Variants in DYNLL2 observed in about 807,000 individuals in gnomAD.
DYNLL2 encodes the protein dynein light chain LC8-type 2, also known as dynein light chain 2, cytoplasmic.
In DYNLL2, 1 loss-of-function variant was observed where a neutral mutation model predicts 9.7. The observed-to-expected ratio is 0.10, with a 90% CI of 0.04 to 0.49. The LOEUF (loss-of-function observed/expected upper bound fraction) is 0.49, where lower values mean the gene tolerates loss of function less well. Ranked by LOEUF, DYNLL2 falls within the 20% of genes least tolerant of loss-of-function variation. The pLI is 0.95. For synonymous variants in DYNLL2, 35 were observed against 40.5 expected, an observed-to-expected ratio of 0.86 and a Z score of 0.52; for missense variants, 37 against 115.2, an observed-to-expected ratio of 0.32 and a Z score of 3.11.
At chr17:58,087,341 C>T in intron 2 of DYNLL2, 119 bp downstream of exon 2, 2 of 1,409,516 alleles carry the variant, frequency 1.4e-6, no homozygotes, top group East Asian at 2.5e-5. Flanking sequence ...AAGCAAAACC[C>T]TAGGAACTTG....
At chr17:58,088,507 A>G (rs1201288808) in intron 2 of DYNLL2, among the ~76,000 whole-genome samples, 1 of 152,184 alleles carries the variant, frequency 6.6e-6, no homozygotes, top group Non-Finnish European at 1.5e-5. Flanking sequence ...TTAGCTCTAA[A>G]GATTTCCTGT....
At chr17:58,088,104 T>TG (rs67080397) in intron 2 of DYNLL2, among the ~76,000 whole-genome samples, 152,288 of 152,288 alleles carry the variant, frequency 1, 76,144 homozygotes, top group Non-Finnish European at 1. Flanking sequence ...TTTTTGGGTG[T>TG]GAGCCAAGGG....
rs779703859 is a variant in DYNLL2 at position 58,087,269 on chromosome 17, G to C, written c.132+47G>C. 2.5e-6 allele frequency: 4 copies of C among 1,608,824 alleles called. No individual in the cohort carries two copies. In the South Asian group the frequency reaches 4.4e-5, roughly 18 times the overall value. ...TGATGGCCAGGGGTGGGGATCGACAGCTGAGCTAACCTCCAGGGAGATCTG... is the reference window on the plus strand; with the variant it reads ...TGATGGCCAGGGGTGGGGATCGACACCTGAGCTAACCTCCAGGGAGATCTG... On this transcript the variant is annotated intron_variant, in intron 2 of 2. Transcript: ENST00000579991.
chr17:58,085,713 C>A (rs1427150965), intron 1 of DYNLL2, among the ~76,000 whole-genome samples: 1 of 152,100 alleles, frequency 6.6e-6, no homozygotes, highest in Non-Finnish European at 1.5e-5. Flanking sequence ...AATGGCATGG[C>A]CTTGATAGCA....
At chr17:58,086,772 A>G (rs1362709232) in intron 1 of DYNLL2, among the ~76,000 whole-genome samples, 1 of 152,254 alleles carries the variant, frequency 6.6e-6, no homozygotes, top group Non-Finnish European at 1.5e-5. Flanking sequence ...TAGTAGATGT[A>G]CACTGTAATA....
chr17:58,087,594 A>G (rs2075764949), intron 2 of DYNLL2, among the ~76,000 whole-genome samples: 1 of 152,214 alleles, frequency 6.6e-6, no homozygotes, highest in Admixed American at 6.5e-5. Context: ...TAAGATGTAC[A>G]AATTTTCAGG....
intron 1 of DYNLL2, among the ~76,000 whole-genome samples, chr17:58,085,472 A>G (rs1162457522): frequency 1.3e-5 from 2 of 152,200 alleles, no homozygotes; most frequent in African/African-American, 4.8e-5. Flanking sequence ...GAATGACAGC[A>G]TCTCTTGTCC....
chr17:58,090,741 G>T lies in DYNLL2; in HGVS notation c.*1462G>T, dbSNP rs2075777168. The T allele has an allele frequency of 6.7e-6, 1 of 148,918 alleles. No homozygotes were observed. Among genetic ancestry groups the T allele is most frequent in the Admixed American group, 6.6e-5 (1 of 15,042 alleles). The allele number at this position is 148,918 out of a possible 1,614,324, so 9.2% of individuals were successfully genotyped here. On this transcript the variant is annotated 3_prime_UTR_variant, in exon 3 of 3. Coordinates refer to ENST00000579991, the MANE Select transcript of DYNLL2 (RefSeq NM_080677.3). ...GAAATCTTGTCTGTTAATGAAATAG[G>T]AGTGGGGTGGGGTTTGGGGTGGGGT...
chr17:58,086,356 T>C (rs559516221), intron 1 of DYNLL2, among the ~76,000 whole-genome samples: 1 of 152,364 alleles, frequency 6.6e-6, no homozygotes, highest in African/African-American at 2.4e-5. Flanking sequence ...TGCAACACTT[T>C]ATTTTACAAA....
chr17:58,087,533 C>T (rs1234927525), intron 2 of DYNLL2, among the ~76,000 whole-genome samples: 1 of 152,234 alleles, frequency 6.6e-6, no homozygotes, highest in Non-Finnish European at 1.5e-5. Context: ...TTAAATATTT[C>T]TGGCCCAGTT....
chr17:58,089,033 TA>T, intron 2 of DYNLL2, 108 bp from the exon 3 acceptor site: 1 of 1,416,236 alleles, frequency 7.1e-7, no homozygotes, highest in Non-Finnish European at 9.8e-7. Context: ...GTGGGGGTGA[TA>T]ACAACCAAAC....
Position 58,090,851 on chromosome 17 carries a change from C to T in DYNLL2, c.*1572C>T, listed in dbSNP as rs1157966870. 2.6e-5 allele frequency: 4 copies of T among 151,636 alleles called. No homozygotes were observed. Among genetic ancestry groups the T allele is most frequent in the Non-Finnish European group, 4.4e-5 (3 of 67,926 alleles). The allele number at this position is 151,636 out of a possible 1,614,324, so 9.4% of individuals were successfully genotyped here. ...TTGACAATGTGGGGGGGTGGGGGAT[C>T]CAGCTTATTCTTTTATTTTCAAGTC... On this transcript the variant is annotated 3_prime_UTR_variant, in exon 3 of 3. Coordinates refer to ENST00000579991, the MANE Select transcript of DYNLL2 (RefSeq NM_080677.3).
chr17:58,090,377 G>A lies in DYNLL2; in HGVS notation c.*1098G>A, dbSNP rs2075775896. The A allele has an allele frequency of 6.5e-6, 1 of 152,886 alleles. No homozygotes were observed. The highest frequency in any genetic ancestry group is 2.4e-5 in the African/African-American group (1 of 41,356). The allele number at this position is 152,886 out of a possible 1,614,324, so 9.5% of individuals were successfully genotyped here. A position where few individuals can be genotyped will look rare whatever the true frequency, so the allele number is the denominator to read the frequency against. On this transcript the variant is annotated 3_prime_UTR_variant, in exon 3 of 3. Transcript: ENST00000579991. ...GGCTTTTATGCTAAAAGCCTCTGGG[G>A]ATATCTGTTTTGAAAATAAAGATAG...
Position 58,090,739 on chromosome 17 carries a change from A to C in DYNLL2, c.*1460A>C, listed in dbSNP as rs1598089433. On this transcript the variant is annotated 3_prime_UTR_variant, in exon 3 of 3. Transcript: ENST00000579991. Reference sequence around the variant, plus strand: ...GGGAAATCTTGTCTGTTAATGAAATAGGAGTGGGGTGGGGTTTGGGGTGGG... The same window carrying C: ...GGGAAATCTTGTCTGTTAATGAAATCGGAGTGGGGTGGGGTTTGGGGTGGG... The C allele has an allele frequency of 1.1e-5, 1 of 93,066 alleles. No homozygotes were observed. Among genetic ancestry groups the C allele is most frequent in the Non-Finnish European group, 2.0e-5 (1 of 49,682 alleles). The allele number at this position is 93,066 out of a possible 1,614,324, so 5.8% of individuals were successfully genotyped here.
At chr17:58,085,108 T>A (rs1419930777) in intron 1 of DYNLL2, among the ~76,000 whole-genome samples, 1 of 152,150 alleles carries the variant, frequency 6.6e-6, no homozygotes, top group Admixed American at 6.5e-5. Context: ...GCTCACAGAC[T>A]CCAGTTGAGG....
chr17:58,091,459 T>A lies in DYNLL2; in HGVS notation c.*2180T>A, dbSNP rs1352823802. 6.6e-6 allele frequency: 1 copy of A among 152,314 alleles called. No homozygotes were observed. The highest frequency in any genetic ancestry group is 1.5e-5 in the Non-Finnish European group (1 of 68,132). 9.4% of individuals were successfully genotyped at this position (152,314 alleles called of 1,614,324 possible). ...CCCTTAAGGGCTCCTGGGTTCTGCC[T>A]TCCTTGGTGGTGATGGCCAGGTGAA... On this transcript the variant is annotated 3_prime_UTR_variant, in exon 3 of 3. Coordinates refer to ENST00000579991, the MANE Select transcript of DYNLL2 (RefSeq NM_080677.3).
At position 58,089,399 on chromosome 17, in the gene DYNLL2, G is replaced by A. The variant is rs1187455105; in HGVS notation, c.*120G>A. Reference sequence around the variant, plus strand: ...CTCTCCAATGGCTGTGCTACTGCATGGACTGTATACTCGATTTCATGTGTA... The same window carrying A: ...CTCTCCAATGGCTGTGCTACTGCATAGACTGTATACTCGATTTCATGTGTA... On this transcript the variant is annotated 3_prime_UTR_variant, in exon 3 of 3. Coordinates refer to ENST00000579991, the MANE Select transcript of DYNLL2 (RefSeq NM_080677.3). 1 of 1,314,706 alleles carries A rather than the reference G, an allele frequency of 7.6e-7. No individual in the cohort carries two copies. The highest frequency in any genetic ancestry group is 1.5e-5 in the African/African-American group (1 of 67,514). The allele number at this position is 1,314,706 out of a possible 1,614,324, so 81.4% of individuals were successfully genotyped here. A position where few individuals can be genotyped will look rare whatever the true frequency, so the allele number is the denominator to read the frequency against.
In DYNLL2 at chr17:58,095,509, TAATG is replaced by T. The variant is rs1255978833; in HGVS notation, c.*6232_*6235del. On this transcript the variant is annotated 3_prime_UTR_variant, in exon 3 of 3. Coordinates refer to ENST00000579991, the MANE Select transcript of DYNLL2 (RefSeq NM_080677.3). ...TGTGTCTCCTTTTAGACACAGTTAA[TAATG>T]AGCATTAAAGTGGCTATATACTATT... The T allele has an allele frequency of 6.6e-6, 1 of 152,216 alleles. No homozygotes were observed. The highest frequency in any genetic ancestry group is 1.5e-5 in the Non-Finnish European group (1 of 68,046). 9.4% of individuals were successfully genotyped at this position (152,216 alleles called of 1,614,324 possible).
chr17:58,088,589 A>C (rs1046858476), intron 2 of DYNLL2, among the ~76,000 whole-genome samples: 1 of 152,204 alleles, frequency 6.6e-6, no homozygotes, highest in Non-Finnish European at 1.5e-5. Flanking sequence ...GTTCTGGTAC[A>C]TACAGCCCAC....
Sources: allele counts gnomAD v4.1 joint callset (sites outside exome capture counted in the v4.1 genomes callset), GRCh38; gene constraint gnomAD v4.1.1; transcripts MANE v1.5; gene names NCBI Gene and HGNC (gene_info 2026-07-23, HGNC 2026-07-21).